Variants in UIMC1 observed in about 807,000 individuals in gnomAD.
UIMC1 encodes the protein ubiquitin interaction motif containing 1, also known as BRCA1-A complex subunit RAP80.
A neutral mutation model predicts 84.9 loss-of-function variants in UIMC1; 42 were observed. The observed-to-expected ratio is 0.49, with a 90% CI of 0.39 to 0.64. The LOEUF (loss-of-function observed/expected upper bound fraction) is 0.64. Ranked by LOEUF, UIMC1 falls within the 30% of genes least tolerant of loss-of-function variation. UIMC1 has a pLI of 0.00. For synonymous variants in UIMC1, 281 were observed against 293.0 expected, an observed-to-expected ratio of 0.96 and a Z score of 0.42; for missense variants, 825 against 847.6, an observed-to-expected ratio of 0.97 and a Z score of 0.33.
intron 1 of UIMC1, among the ~76,000 whole-genome samples, chr5:176,993,562 C>T (rs1003612799): frequency 3.9e-5 from 6 of 152,080 alleles, no homozygotes; most frequent in Admixed American, 3.9e-4. Context: ...AAAACCTGTA[C>T]GTTCTGCACA....
At chr5:176,912,465 CTGTTT>C (rs576887129) in intron 10 of UIMC1, among the ~76,000 whole-genome samples, 1,384 of 121,522 alleles carry the variant, frequency 0.011, 28 homozygotes, top group African/African-American at 0.042. Flanking sequence ...ACAGTCTTGA[CTGTTT>C]TTTGTTTTTT....
At chr5:176,937,120 G>A (rs1051058888) in intron 10 of UIMC1, among the ~76,000 whole-genome samples, 4 of 152,184 alleles carry the variant, frequency 2.6e-5, no homozygotes, top group Non-Finnish European at 5.9e-5. Context: ...ACATTTTCCA[G>A]AAAGTAAATG....
chr5:176,936,161 G>C (rs970285846), intron 10 of UIMC1, among the ~76,000 whole-genome samples: 4 of 152,156 alleles, frequency 2.6e-5, no homozygotes, highest in Non-Finnish European at 5.9e-5. Flanking sequence ...AGATAGGAAA[G>C]CACAGTCAAT....
intron 1 of UIMC1, among the ~76,000 whole-genome samples, chr5:177,014,477 G>A (rs1484580859): frequency 6.6e-6 from 1 of 152,136 alleles, no homozygotes; most frequent in Non-Finnish European, 1.5e-5. Flanking sequence ...AACCTACTAT[G>A]TTAATTCTTT....
At chr5:176,912,208 A>C (rs2940521) in intron 10 of UIMC1, among the ~76,000 whole-genome samples, 63,156 of 152,012 alleles carry the variant, frequency 0.42, 13,416 homozygotes, top group East Asian at 0.48. Context: ...GTGGAGACAG[A>C]GAGTAAATAT....
chr5:176,984,032 C>T (rs1322156700), intron 1 of UIMC1, among the ~76,000 whole-genome samples: 50 of 118,162 alleles, frequency 4.2e-4, no homozygotes, highest in African/African-American at 1.2e-3. Context: ...CGCCTCTGCC[C>T]GGCCGCCCCG....
At chr5:176,910,263 A>G (rs756651043) in intron 11 of UIMC1, among the ~76,000 whole-genome samples, 41 of 152,238 alleles carry the variant, frequency 2.7e-4, no homozygotes, top group Non-Finnish European at 5.3e-4. Context: ...CTCAGGGTCT[A>G]AGATCTGTGT....
chr5:176,953,208 G>A (rs915447552), intron 8 of UIMC1, among the ~76,000 whole-genome samples: 1 of 152,082 alleles, frequency 6.6e-6, no homozygotes, highest in Non-Finnish European at 1.5e-5. Context: ...ATAAATTTAT[G>A]TTGCTTATAA....
intron 1 of UIMC1, among the ~76,000 whole-genome samples, chr5:177,000,243 C>T (rs1222661571): frequency 6.6e-6 from 1 of 152,154 alleles, no homozygotes; most frequent in Non-Finnish European, 1.5e-5. Context: ...CATAAGCCAC[C>T]GCGCCCGGCA....
At chr5:176,929,664 A>G (rs1762846766) in intron 10 of UIMC1, among the ~76,000 whole-genome samples, 1 of 152,222 alleles carries the variant, frequency 6.6e-6, no homozygotes, top group Non-Finnish European at 1.5e-5. Flanking sequence ...TTGATGAATG[A>G]CTAGGTAGAA....
intron 6 of UIMC1, among the ~76,000 whole-genome samples, chr5:176,961,926 C>A (rs1310213671): frequency 1.7e-5 from 1 of 60,080 alleles, no homozygotes; most frequent in African/African-American, 7.6e-5. Flanking sequence ...CCAGCCGCCC[C>A]GTCCGGGAGG....
chr5:176,909,737 G>A (rs1759871386), intron 11 of UIMC1, among the ~76,000 whole-genome samples: 1 of 152,192 alleles, frequency 6.6e-6, no homozygotes, highest in Non-Finnish European at 1.5e-5. Context: ...TGCCTTAAGA[G>A]AAAAGCTAGA....
At chr5:177,012,165 T>G (rs1775563398) in intron 1 of UIMC1, among the ~76,000 whole-genome samples, 1 of 152,132 alleles carries the variant, frequency 6.6e-6, no homozygotes, top group Non-Finnish European at 1.5e-5. Flanking sequence ...GTTCCTAGCA[T>G]CGAATCTCAA....
chr5:176,988,667 T>C (rs1016212657), intron 1 of UIMC1, among the ~76,000 whole-genome samples: 3 of 151,900 alleles, frequency 2.0e-5, no homozygotes, highest in Non-Finnish European at 2.9e-5. Flanking sequence ...AATGGTAGAT[T>C]TTGTTAGGTG....
At chr5:176,910,744 T>C (rs769134293) in intron 11 of UIMC1, among the ~76,000 whole-genome samples, 3 of 152,054 alleles carry the variant, frequency 2.0e-5, no homozygotes, top group Non-Finnish European at 2.9e-5. Flanking sequence ...GCTTTTAGTG[T>C]ATTAAAAAGG....
chr5:176,934,822 C>A (rs1291090452), intron 10 of UIMC1, among the ~76,000 whole-genome samples: 2 of 152,194 alleles, frequency 1.3e-5, no homozygotes, highest in Non-Finnish European at 2.9e-5. Context: ...AAAATTCTTT[C>A]TTTCCATTAA....
chr5:176,979,954 G>A (rs1770762765), intron 2 of UIMC1, among the ~76,000 whole-genome samples: 1 of 151,998 alleles, frequency 6.6e-6, no homozygotes, highest in African/African-American at 2.4e-5. Context: ...ACTCAATGTG[G>A]GTGAACACCA....
intron 10 of UIMC1, among the ~76,000 whole-genome samples, chr5:176,932,271 C>T (rs1763184904): frequency 6.6e-6 from 1 of 152,216 alleles, no homozygotes; most frequent in African/African-American, 2.4e-5. Flanking sequence ...TGTTCCAAAA[C>T]ATCCTTCCTT....
chr5:176,935,068 G>A (rs960034533), intron 10 of UIMC1, among the ~76,000 whole-genome samples: 11 of 152,090 alleles, frequency 7.2e-5, no homozygotes, highest in African/African-American at 2.7e-4. Flanking sequence ...CACAAGGGGG[G>A]TAAACACACA....
Sources: gnomAD v4.1 joint callset for allele counts (sites outside exome capture counted in the v4.1 genomes callset) on GRCh38, gnomAD v4.1.1 for gene constraint, MANE v1.5 for transcripts, NCBI Gene and HGNC (gene_info 2026-07-23, HGNC 2026-07-21) for gene names.